Variants in MYO1G observed in about 807,000 individuals in gnomAD.
The protein encoded by MYO1G is myosin IG, also known as unconventional myosin-Ig.
MYO1G carries 65 observed loss-of-function variants against 115.3 expected under a neutral mutation model. The ratio of observed to expected loss-of-function variants is 0.56; its 90% CI spans 0.46 to 0.69. The LOEUF (loss-of-function observed/expected upper bound fraction) is 0.69, where lower values mean the gene tolerates loss of function less well. Ranked by LOEUF, MYO1G falls within the 30% of genes least tolerant of loss-of-function variation. The probability of loss-of-function intolerance (pLI) is 0.00; values close to 1 mark genes in which losing one functional copy is unlikely to be tolerated. For synonymous variants in MYO1G, 510 were observed against 552.6 expected, an observed-to-expected ratio of 0.92 and a Z score of 1.08; for missense variants, 1,204 against 1,393.5, an observed-to-expected ratio of 0.86 and a Z score of 2.16.
At chr7:44,975,865 G>A (rs933892605) in intron 3 of MYO1G, among the ~76,000 whole-genome samples, 2 of 152,208 alleles carry the variant, frequency 1.3e-5, no homozygotes, top group Admixed American at 6.5e-5. Flanking sequence ...TGCACTTGCC[G>A]GGCTGGCTGT....
rs553071061 is a variant in MYO1G at position 44,975,256 on chromosome 7, G to T, written c.565-29C>A. 2.4e-5 allele frequency: 39 copies of T among 1,613,210 alleles called. 2 individuals are homozygous for T. The South Asian group carries it at 2.7e-4, about 11-fold the overall frequency. ...AGGAGAGAGGGGCAGATGGACTCAGGCCTGGGAAGGAGTCTGACCCTGGGG... is the reference window on the plus strand; with the variant it reads ...AGGAGAGAGGGGCAGATGGACTCAGTCCTGGGAAGGAGTCTGACCCTGGGG... On this transcript the variant is annotated intron_variant, in intron 4 of 21. Coordinates refer to ENST00000258787, the MANE Select transcript of MYO1G (RefSeq NM_033054.3).
chr7:44,977,093 C>T, intron 1 of MYO1G, 22 bp from the exon 2 acceptor site: 2 of 1,609,740 alleles, frequency 1.2e-6, no homozygotes, highest in Middle Eastern at 1.7e-4. Context: ...AGGGGTAGGC[C>T]TCAGCACTCA....
chr7:44,963,846 G>A lies in MYO1G; in HGVS notation c.2745+203C>T, dbSNP rs991057832. 1.7e-6 allele frequency: 1 copy of A among 576,060 alleles called. No homozygotes were observed. The highest frequency in any genetic ancestry group is 3.1e-6 in the Non-Finnish European group (1 of 319,390). The allele number at this position is 576,060 out of a possible 1,614,324, so 35.7% of individuals were successfully genotyped here. A position where few individuals can be genotyped will look rare whatever the true frequency, so the allele number is the denominator to read the frequency against. ...GGGGGTGGGGGGTGACTGGGCTGGT[G>A]GGGATCACAGGATGGGACCTTTCAC... On this transcript the variant is annotated intron_variant, in intron 20 of 21. Coordinates refer to ENST00000258787, the MANE Select transcript of MYO1G (RefSeq NM_033054.3). This position sits in a 1 kb window ranked among gnomAD's most constrained non-coding sequence, Gnocchi z 4.1.
rs1311333510 is a variant in MYO1G at position 44,962,696 on chromosome 7, G to T, written c.*43C>A. Reference sequence around the variant, plus strand: ...AGAAGGTTTATTTGCAGCGCTGGCGGGGCGGACAATTGGCGGCCTCGGGGT... The same window carrying T: ...AGAAGGTTTATTTGCAGCGCTGGCGTGGCGGACAATTGGCGGCCTCGGGGT... On this transcript the variant is annotated 3_prime_UTR_variant, in exon 22 of 22. Coordinates refer to ENST00000258787, the MANE Select transcript of MYO1G (RefSeq NM_033054.3). This position sits in a 1 kb window ranked among gnomAD's most constrained non-coding sequence, Gnocchi z 5.3. 1 of 1,450,348 alleles carries T rather than the reference G, an allele frequency of 6.9e-7. No individual in the cohort carries two copies. Among genetic ancestry groups the T allele is most frequent in the African/African-American group, 1.5e-5 (1 of 67,226 alleles). 89.8% of individuals were successfully genotyped at this position (1,450,348 alleles called of 1,614,324 possible). A position where few individuals can be genotyped will look rare whatever the true frequency, so the allele number is the denominator to read the frequency against.
At position 44,976,891 on chromosome 7, in the gene MYO1G, CCGGTG is replaced by C. The variant is rs1795059921; in HGVS notation, c.271_275del (p.His91ValfsTer21). ...AGATGACGATGCAGGTGTCCCTGGA[CCGGTG>C]CTTCATTGCCTTGTAGGCGGCGTTG... On this transcript the variant is annotated frameshift_variant, in exon 2 of 22. Transcript: ENST00000258787. LOFTEE classifies it high-confidence loss of function. 1.2e-6 allele frequency: 2 copies of C among 1,613,360 alleles called. No individual in the cohort carries two copies. The highest frequency in any genetic ancestry group is 2.7e-5 in the African/African-American group (2 of 74,946).
intron 6 of MYO1G, 76 bp from the exon 7 acceptor site, chr7:44,971,865 C>T (rs1794964837): frequency 8.9e-7 from 1 of 1,128,362 alleles, no homozygotes; most frequent in Non-Finnish European, 1.3e-6. Flanking sequence ...CTTGATTCCT[C>T]CATCCTAGGC....
At chr7:44,978,806 C>G (rs911771279) in intron 1 of MYO1G, 61 bp downstream of exon 1, 2 of 1,509,800 alleles carry the variant, frequency 1.3e-6, no homozygotes, top group Admixed American at 3.4e-5. Context: ...CAGGTCTCTG[C>G]GAGGACGCAA....
Position 44,967,594 on chromosome 7 carries a change from G to A in MYO1G, c.1782+11C>T. 6.2e-7 allele frequency: 1 copy of A among 1,613,778 alleles called. No homozygotes were observed. The highest frequency in any genetic ancestry group is 2.2e-5 in the East Asian group (1 of 44,886). On this transcript the variant is annotated intron_variant, in intron 14 of 21. Transcript: ENST00000258787. ...CCGGAACAGCCAGAGTGGGAGAGGGGTGGAACATACCTTGGAGGCAAGGTT... is the reference window on the plus strand; with the variant it reads ...CCGGAACAGCCAGAGTGGGAGAGGGATGGAACATACCTTGGAGGCAAGGTT...
intron 6 of MYO1G, 42 bp from the exon 7 acceptor site, chr7:44,971,831 C>T: frequency 7.1e-7 from 1 of 1,415,862 alleles, no homozygotes; most frequent in Non-Finnish European, 9.7e-7. Context: ...CACACTGGGC[C>T]CAGGACACCT....
At chr7:44,978,197 C>T (rs1051121019) in intron 1 of MYO1G, among the ~76,000 whole-genome samples, 8 of 152,138 alleles carry the variant, frequency 5.3e-5, no homozygotes, top group Non-Finnish European at 2.9e-5. Flanking sequence ...GGCAGGAAGC[C>T]CAGCTGCCTG....
chr7:44,972,014 C>A, intron 6 of MYO1G, 101 bp downstream of exon 6: 1 of 982,478 alleles, frequency 1.0e-6, no homozygotes, highest in Admixed American at 1.8e-5. Flanking sequence ...GCAAACAGTT[C>A]ACTTCACCCT....
rs1400821857 is a variant in MYO1G at position 44,969,778 on chromosome 7, G to T, written c.1430C>A (p.Thr477Asn). The T allele has an allele frequency of 3.7e-6, 6 of 1,612,814 alleles. No individual in the cohort carries two copies. The highest frequency in any genetic ancestry group is 5.1e-6 in the Non-Finnish European group (6 of 1,179,968). ...CTGCAGGAAGATTCGGTCAGTGATG[G>T]TGCCAGCAGAGCTGCAGGCCTCGTC... ...VLDEACSSAGTITDRIFLQTL... is the reference protein window; with the variant it reads ...VLDEACSSAGNITDRIFLQTL... Residue 477 changes from threonine to asparagine, a missense_variant, in exon 11 of 22, where the codon ACC (threonine) becomes AAC (asparagine). Coordinates refer to ENST00000258787, the MANE Select transcript of MYO1G (RefSeq NM_033054.3). The surrounding 1 kb of genome is among the most constrained non-coding windows in gnomAD (Gnocchi z 5.0).
In MYO1G at chr7:44,966,897, C is replaced by G; in HGVS notation, c.1783-59G>C. 6.6e-7 allele frequency: 1 copy of G among 1,520,590 alleles called. No homozygotes were observed. Among genetic ancestry groups the G allele is most frequent in the Non-Finnish European group, 8.8e-7 (1 of 1,132,034 alleles). The allele number at this position is 1,520,590 out of a possible 1,614,324, so 94.2% of individuals were successfully genotyped here. ...CGCCAGCAGCACTGTGCACCCTGCC[C>G]CACACCAGGGGCTTCCTAACCCCTC... On this transcript the variant is annotated intron_variant, in intron 14 of 21. Transcript: ENST00000258787. The surrounding 1 kb of genome is among the most constrained non-coding windows in gnomAD (Gnocchi z 5.0).
intron 7 of MYO1G, 107 bp from the exon 8 acceptor site, chr7:44,971,166 G>T: frequency 1.1e-6 from 1 of 950,792 alleles, no homozygotes. Flanking sequence ...ATGCGGTAGA[G>T]TACAGCTCCT....
Position 44,969,454 on chromosome 7 carries a change from A to G in MYO1G, c.1533T>C (p.Phe511=), listed in dbSNP as rs1794911002. The G allele has an allele frequency of 6.2e-7, 1 of 1,613,906 alleles. No homozygotes were observed. The highest frequency in any genetic ancestry group is 8.5e-7 in the Non-Finnish European group (1 of 1,179,988). ...QLCPTDKTME[F]GRDFRIKHYA... ...AGTGCTTGATCCGGAAGTCTCGGCC[A>G]AACTCCATGGTCTTGTCTGTGGGGC... Residue 511 remains phenylalanine (F), a synonymous_variant, in exon 12 of 22, where the codon TTT becomes TTC. Transcript: ENST00000258787. This position sits in a 1 kb window ranked among gnomAD's most constrained non-coding sequence, Gnocchi z 5.0.
chr7:44,968,030 G>GC (rs1794880101), intron 12 of MYO1G, 72 bp from the exon 13 acceptor site: 1 of 1,269,512 alleles, frequency 7.9e-7, no homozygotes, highest in Admixed American at 1.8e-5. Context: ...GACCCCAGCA[G>GC]CCCCCACTCT....
intron 3 of MYO1G, among the ~76,000 whole-genome samples, 182 bp from the exon 4 acceptor site, chr7:44,975,831 C>A (rs998598181): frequency 3.3e-5 from 5 of 152,252 alleles, no homozygotes; most frequent in Admixed American, 6.5e-5. Context: ...GTGACGGTCA[C>A]TTCACCTCTG....
chr7:44,964,144 T>C lies in MYO1G; in HGVS notation c.2650A>G (p.Ile884Val). 1 of 1,597,804 alleles carries C rather than the reference T, an allele frequency of 6.3e-7. No homozygotes were observed. ...GTGAGCAGGAGGGCCCGGTTCCGGA[T>C]CTTGTGGAAGCGGTTCACCTGTGGG... is the stretch of plus-strand genomic sequence containing the variant. ...HVRKVNRFHK[I>V]RNRALLLTDQ... The change falls in exon 20 of 22, where the codon ATC becomes GTC. Residue 884 changes from isoleucine to valine, a missense_variant. By Grantham distance (29) the Ile-to-Val change is conservative. Transcript: ENST00000258787. The surrounding 1 kb of genome is among the most constrained non-coding windows in gnomAD (Gnocchi z 5.1).
In MYO1G at chr7:44,969,789, G is replaced by A. The variant is rs955273499; in HGVS notation, c.1419C>T (p.Ser473=). 1.2e-6 allele frequency: 2 copies of A among 1,612,922 alleles called. No individual in the cohort carries two copies. The highest frequency in any genetic ancestry group is 1.3e-5 in the African/African-American group (1 of 75,004). The stretch of plus-strand genomic sequence containing the variant: ...TTCGGTCAGTGATGGTGCCAGCAGA[G>A]CTGCAGGCCTCGTCCAGCACGGCCA... The part of the protein sequence containing the change: ...GILAVLDEAC[S]SAGTITDRIF... Residue 473 remains serine, a synonymous_variant, in exon 11 of 22, where the codon AGC becomes AGT. Coordinates refer to ENST00000258787, the MANE Select transcript of MYO1G (RefSeq NM_033054.3). The surrounding 1 kb of genome is among the most constrained non-coding windows in gnomAD (Gnocchi z 5.0).
Sources: allele counts gnomAD v4.1 joint callset (sites outside exome capture counted in the v4.1 genomes callset), GRCh38; gene constraint gnomAD v4.1.1; non-coding constraint Gnocchi (gnomAD v3.1); transcripts MANE v1.5; gene names NCBI Gene and HGNC (gene_info 2026-07-23, HGNC 2026-07-21).